Variants in ZDHHC13 observed in about 807,000 individuals in gnomAD.
The protein encoded by ZDHHC13 is zDHHC palmitoyltransferase 13.
Under a neutral mutation model 86.0 loss-of-function variants are expected in ZDHHC13, and 85 were observed. The observed-to-expected ratio is 0.99, with a 90% confidence interval of 0.83 to 1.18. The LOEUF is 1.18. ZDHHC13 is among the 50% of genes most tolerant of loss of function. The pLI is 0.00. For missense variants in ZDHHC13, 711 were observed against 730.2 expected (o/e 0.97, Z 0.30); for synonymous variants, 263 against 246.4 (o/e 1.07, Z -0.63).
At chr11:19,132,095 A>G (rs543261238) in intron 1 of ZDHHC13, among the ~76,000 whole-genome samples, 2 of 152,162 alleles carry the variant, frequency 1.3e-5, no homozygotes, top group South Asian at 2.1e-4. Context: ...TCTTCTGGCT[A>G]TGGATCGCAT....
intron 1 of ZDHHC13, among the ~76,000 whole-genome samples, chr11:19,121,592 A>G (rs1051581664): frequency 6.6e-6 from 1 of 152,232 alleles, no homozygotes; most frequent in African/African-American, 2.4e-5. Context: ...TGAATAATTG[A>G]TGAAAACTCT....
intron 14 of ZDHHC13, chr11:19,168,921 G>GT: frequency 2.0e-6 from 2 of 984,956 alleles, no homozygotes; most frequent in Non-Finnish European, 2.4e-6. Context: ...GAAGAACTCT[G>GT]TAACTGTCAG....
intron 1 of ZDHHC13, among the ~76,000 whole-genome samples, chr11:19,120,503 C>T (rs1340275681): frequency 6.6e-6 from 1 of 152,180 alleles, no homozygotes; most frequent in Non-Finnish European, 1.5e-5. Context: ...ACTGGCACAG[C>T]ATCACTTCTG....
At chr11:19,137,724 G>A (rs1198499822) in intron 1 of ZDHHC13, among the ~76,000 whole-genome samples, 4 of 152,200 alleles carry the variant, frequency 2.6e-5, no homozygotes, top group Non-Finnish European at 5.9e-5. Flanking sequence ...TCAGACCACA[G>A]TGCAATCAAA....
intron 1 of ZDHHC13, among the ~76,000 whole-genome samples, chr11:19,128,830 C>A (rs1221920341): frequency 6.6e-6 from 1 of 152,148 alleles, no homozygotes; most frequent in Admixed American, 6.5e-5. Context: ...TCATTTATAG[C>A]AATTTTCTAG....
chr11:19,170,159 A>G, intron 14 of ZDHHC13: 3 of 1,292,130 alleles, frequency 2.3e-6, no homozygotes, highest in Non-Finnish European at 2.9e-6. Context: ...GATTTTACGG[A>G]CCCTTTTTCT....
intron 1 of ZDHHC13, among the ~76,000 whole-genome samples, chr11:19,126,178 C>A (rs1367533095): frequency 6.6e-6 from 1 of 151,894 alleles, no homozygotes; most frequent in African/African-American, 2.4e-5. Flanking sequence ...GTTATATACA[C>A]AAACTTATGT....
intron 1 of ZDHHC13, among the ~76,000 whole-genome samples, chr11:19,139,325 GA>G (rs1849240574): frequency 6.6e-6 from 1 of 152,022 alleles, no homozygotes; most frequent in Non-Finnish European, 1.5e-5. Context: ...TTGCTTCAAA[GA>G]GAAGAAAATA....
At chr11:19,174,848 G>C (rs1850316394) in intron 16 of ZDHHC13, among the ~76,000 whole-genome samples, 1 of 152,214 alleles carries the variant, frequency 6.6e-6, no homozygotes, top group African/African-American at 2.4e-5. Flanking sequence ...AGCCAGAGTA[G>C]CTGGAGCAGG....
In ZDHHC13 at chr11:19,158,965, G is replaced by A. The variant is rs958219915; in HGVS notation, c.1033G>A (p.Val345Ile). 2.2e-5 allele frequency: 34 copies of A among 1,548,032 alleles called. No homozygotes were observed. The highest frequency in any genetic ancestry group is 2.9e-5 in the Non-Finnish European group (33 of 1,145,634). The change falls in exon 10 of 17, where the codon GTA becomes ATA. Residue 345 changes from valine (V) to isoleucine (I), a missense_variant. Physicochemically the swap from Val to Ile is conservative, Grantham distance 29. Transcript: ENST00000446113. ...PRFLVGYKNL[V>I]YLPTAFLLSS... ...GTTCTTGGTTGGGTATAAGAACCTT[G>A]TATACTTACCAACAGCCTTTCTGCT...
intron 1 of ZDHHC13, among the ~76,000 whole-genome samples, chr11:19,134,856 TA>T (rs201536725): frequency 9.9e-5 from 15 of 151,422 alleles, no homozygotes; most frequent in South Asian, 4.2e-4. Flanking sequence ...TAAAGCATAA[TA>T]AAAAAAAATT....
At chr11:19,165,642 T>C (rs1850044293) in intron 13 of ZDHHC13, among the ~76,000 whole-genome samples, 1 of 152,192 alleles carries the variant, frequency 6.6e-6, no homozygotes, top group Admixed American at 6.6e-5. Context: ...TTTCTTCCCT[T>C]CTGTAGAAGT....
rs536235919 is a variant in ZDHHC13 at position 19,152,011 on chromosome 11, G to A, written c.585-147G>A. On this transcript the variant is annotated intron_variant, in intron 6 of 16. Coordinates refer to ENST00000446113, the MANE Select transcript of ZDHHC13 (RefSeq NM_019028.3). ...TAATCTCCTATTAGTACCTAGAATA[G>A]AACTCAGTACAAAGAAGTTTCTCAG... 6 of 726,722 alleles carry A rather than the reference G, an allele frequency of 8.3e-6. No individual in the cohort carries two copies. In the South Asian group the frequency reaches 9.8e-5, roughly 12 times the overall value. 45.0% of individuals were successfully genotyped at this position (726,722 alleles called of 1,614,324 possible).
At chr11:19,156,159 A>T (rs1010379846) in intron 9 of ZDHHC13, among the ~76,000 whole-genome samples, 1 of 152,148 alleles carries the variant, frequency 6.6e-6, no homozygotes, top group Admixed American at 6.5e-5. Flanking sequence ...GTGGAAAATA[A>T]ATATCCTGGG....
intron 14 of ZDHHC13, chr11:19,170,183 G>T: frequency 7.5e-7 from 1 of 1,330,760 alleles, no homozygotes; most frequent in Non-Finnish European, 9.5e-7. Context: ...TTCCTTCACT[G>T]TTAACTACTT....
chr11:19,154,819 C>T lies in ZDHHC13; in HGVS notation c.874-977C>T, dbSNP rs185752117. ...AGTTGTTCTTGGTTATTTTTGGTGA[C>T]TTTGCTTTTTTCCCCTTAAGTGTTT... On this transcript the variant is annotated intron_variant, in intron 8 of 16. Coordinates refer to ENST00000446113, the MANE Select transcript of ZDHHC13 (RefSeq NM_019028.3). Among the ~76,000 whole-genome samples, 286 of 152,178 alleles carry T rather than the reference C, an allele frequency of 1.9e-3. 2 individuals carry two copies. The highest frequency in any genetic ancestry group is 6.5e-3 in the African/African-American group (269 of 41,530).
rs746484002 is a variant in ZDHHC13 at position 19,150,740 on chromosome 11, C to T, written c.533C>T (p.Thr178Ile). The change falls in exon 6 of 17, where the codon ACA becomes ATA. Residue 178 changes from threonine (T) to isoleucine (I), a missense_variant. Transcript: ENST00000446113. Reference sequence around the variant, plus strand: ...CTTTTTGAATAGAGTGTGAATATGACAGATGTAAATGGGCAGACACCTCTC... The same window carrying T: ...CTTTTTGAATAGAGTGTGAATATGATAGATGTAAATGGGCAGACACCTCTC... ...LISKGQSVNMTDVNGQTPLML... is the reference protein window; with the variant it reads ...LISKGQSVNMIDVNGQTPLML... 8 of 1,609,322 alleles carry T rather than the reference C, an allele frequency of 5.0e-6. No individual in the cohort carries two copies. The highest frequency in any genetic ancestry group is 6.8e-6 in the Non-Finnish European group (8 of 1,176,734).
intron 16 of ZDHHC13, among the ~76,000 whole-genome samples, chr11:19,175,398 A>G: frequency 7.0e-6 from 1 of 143,626 alleles, no homozygotes; most frequent in Non-Finnish European, 1.5e-5. Context: ...TCAAAAAAAA[A>G]AAAAAAAAAA....
At chr11:19,136,298 C>A (rs891825891) in intron 1 of ZDHHC13, among the ~76,000 whole-genome samples, 1 of 151,976 alleles carries the variant, frequency 6.6e-6, no homozygotes, top group African/African-American at 2.4e-5. Flanking sequence ...GGAGCCGATG[C>A]GATCAACTGG....
Sources: allele counts gnomAD v4.1 joint callset (sites outside exome capture counted in the v4.1 genomes callset), GRCh38; gene constraint gnomAD v4.1.1; transcripts MANE v1.5; gene names NCBI Gene and HGNC (gene_info 2026-07-23, HGNC 2026-07-21).